Variants in RGS6 observed in about 807,000 individuals in gnomAD.
RGS6 encodes regulator of G protein signaling 6, also known as regulator of G-protein signaling 6.
Under a neutral mutation model 78.5 loss-of-function variants are expected in RGS6, and 30 were observed. The ratio of observed to expected loss-of-function variants is 0.38; its 90% confidence interval spans 0.29 to 0.52. RGS6 has a LOEUF of 0.52. RGS6 is among the 20% of genes least tolerant of loss of function. RGS6 has a pLI of 0.85. For synonymous variants in RGS6, 206 were observed against 206.0 expected, an observed-to-expected ratio of 1.00 and a Z score of 0.00; for missense variants, 495 against 609.7, an observed-to-expected ratio of 0.81 and a Z score of 1.98.
At chr14:72,537,348 G>A (rs576794020) in intron 16 of RGS6, among the ~76,000 whole-genome samples, 5 of 152,162 alleles carry the variant, frequency 3.3e-5, no homozygotes, top group African/African-American at 4.8e-5. Flanking sequence ...TCCTGTCTGC[G>A]TATCTGGTTG....
chr14:72,211,618 G>C (rs1191357049), intron 2 of RGS6, among the ~76,000 whole-genome samples: 1 of 152,136 alleles, frequency 6.6e-6, no homozygotes, highest in Non-Finnish European at 1.5e-5. Flanking sequence ...GGTAACAAGA[G>C]AGAAAATATA....
rs1046069627 is a variant in RGS6 at position 72,547,213 on chromosome 14, A to G, written c.1422+7119A>G. ...CAGCAGCACCGCAGCAGAGGGGGCC[A>G]GAGAAAGAGCATCCAATGGCAGGAG... On this transcript the variant is annotated intron_variant, in intron 17 of 17. Transcript: ENST00000553525. The G allele has an allele frequency of 2.4e-5, 37 of 1,535,528 alleles. No homozygotes were observed. In the African/African-American group the frequency reaches 5.1e-4, roughly 21 times the overall value.
At position 72,458,640 on chromosome 14, in the gene RGS6, A is replaced by G. The variant is rs557560148; in HGVS notation, c.342+263A>G. 9.2e-5 allele frequency among the ~76,000 whole-genome samples: 14 copies of G among 152,332 alleles called. No homozygotes were observed. In the South Asian group the frequency reaches 2.9e-3, roughly 32 times the overall value. On this transcript the variant is annotated intron_variant, in intron 5 of 17. Coordinates refer to ENST00000553525, the MANE Select transcript of RGS6 (RefSeq NM_001204424.2). Reference sequence around the variant, plus strand: ...CTACAACAAAATACCTAAACTGGGTATCTTATAAACAAACAAACAAAAAAT... The same window carrying G: ...CTACAACAAAATACCTAAACTGGGTGTCTTATAAACAAACAAACAAAAAAT...
chr14:72,607,665 C>T, the RGS6 span, among the ~76,000 whole-genome samples: 3 of 152,200 alleles, frequency 2.0e-5, no homozygotes, highest in African/African-American at 7.2e-5. Context: ...TCTGTGTAAT[C>T]GTCTGCTGCC....
At chr14:72,111,740 G>A (rs1191494049) in intron 2 of RGS6, among the ~76,000 whole-genome samples, 3 of 152,034 alleles carry the variant, frequency 2.0e-5, no homozygotes, top group Non-Finnish European at 4.4e-5. Flanking sequence ...AGCAGCATTC[G>A]CCAGGGTACG....
intron 9 of RGS6, among the ~76,000 whole-genome samples, chr14:72,473,210 G>A (rs887391325): frequency 6.6e-5 from 10 of 152,216 alleles, no homozygotes; most frequent in African/African-American, 2.2e-4. Flanking sequence ...TTGGGAGGCC[G>A]AGGTGGGTGG....
At chr14:72,320,970 AGT>A (rs1232898057) in intron 2 of RGS6, among the ~76,000 whole-genome samples, 2 of 150,316 alleles carry the variant, frequency 1.3e-5, no homozygotes, top group African/African-American at 2.4e-5. Flanking sequence ...TACAAAAATA[AGT>A]GTAGGAATGA....
intron 3 of RGS6, among the ~76,000 whole-genome samples, chr14:72,416,786 A>G (rs2093844715): frequency 1.3e-5 from 2 of 152,206 alleles, no homozygotes; most frequent in Admixed American, 1.3e-4. Context: ...AGCATTGACA[A>G]CAGACTGCCT....
At position 72,117,766 on chromosome 14, in the gene RGS6, T is replaced by C. The variant is rs185441229; in HGVS notation, c.84+152891T>C. On this transcript the variant is annotated intron_variant, in intron 2 of 17. Transcript: ENST00000553525. ...TCGGGGAGTGATGCAATCTGATTTATGCCTTAAAAGGACCACGCTGGCTAC... is the reference window on the plus strand; with the variant it reads ...TCGGGGAGTGATGCAATCTGATTTACGCCTTAAAAGGACCACGCTGGCTAC... Among the ~76,000 whole-genome samples, 9 of 152,300 alleles carry C rather than the reference T, an allele frequency of 5.9e-5. No individual in the cohort carries two copies. In the East Asian group the frequency reaches 1.2e-3, roughly 20 times the overall value.
intron 13 of RGS6, 101 bp downstream of exon 13, chr14:72,495,363 C>A: frequency 1.2e-6 from 1 of 818,222 alleles, no homozygotes; most frequent in Admixed American, 1.8e-5. Context: ...CATTTTTTAT[C>A]GCTAGAACAG....
chr14:72,509,307 G>A (rs2096850219), intron 13 of RGS6, among the ~76,000 whole-genome samples: 1 of 151,188 alleles, frequency 6.6e-6, no homozygotes, highest in Non-Finnish European at 1.5e-5. Context: ...AGAGGTTGCA[G>A]TGAGCCACAA....
intron 2 of RGS6, among the ~76,000 whole-genome samples, chr14:71,993,136 G>GA (rs2095038650): frequency 6.6e-6 from 1 of 152,162 alleles, no homozygotes; most frequent in South Asian, 2.1e-4. Context: ...TCCTGGAATT[G>GA]AAAAAATTCC....
At chr14:72,246,836 G>C (rs2054333361) in intron 2 of RGS6, among the ~76,000 whole-genome samples, 1 of 151,744 alleles carries the variant, frequency 6.6e-6, no homozygotes. Flanking sequence ...AACCTGAGAG[G>C]TGGAGCTTGC....
chr14:72,430,156 T>C (rs186512338), intron 3 of RGS6, among the ~76,000 whole-genome samples: 10 of 152,284 alleles, frequency 6.6e-5, no homozygotes, highest in Admixed American at 2.0e-4. Context: ...AAAGTACATA[T>C]AGCTCTCAAA....
intron 13 of RGS6, among the ~76,000 whole-genome samples, chr14:72,504,739 T>TG (rs975880042): frequency 2.1e-5 from 3 of 144,860 alleles, no homozygotes; most frequent in African/African-American, 7.9e-5. Context: ...CCTCTCCCCT[T>TG]CCCTCTCCTT....
chr14:72,030,629 C>G (rs1203926193), intron 2 of RGS6, among the ~76,000 whole-genome samples: 1 of 148,798 alleles, frequency 6.7e-6, no homozygotes, highest in Admixed American at 6.7e-5. Context: ...CCTGGAGAGG[C>G]CTTTCAGCCA....
chr14:72,344,692 A>G (rs534561682), intron 2 of RGS6, among the ~76,000 whole-genome samples: 1 of 152,338 alleles, frequency 6.6e-6, no homozygotes, highest in Non-Finnish European at 1.5e-5. Context: ...AACCACTCTA[A>G]TGGGTGATAC....
intron 2 of RGS6, among the ~76,000 whole-genome samples, chr14:72,055,052 T>G (rs1354584094): frequency 6.6e-6 from 1 of 152,212 alleles, no homozygotes; most frequent in Non-Finnish European, 1.5e-5. Context: ...TCAGGGTGTT[T>G]CCTGTTTTTG....
chr14:72,521,859 C>T (rs34473506), intron 15 of RGS6, among the ~76,000 whole-genome samples: 19,980 of 152,212 alleles, frequency 0.13, 1,677 homozygotes, highest in Middle Eastern at 0.22. Flanking sequence ...CAACCACTAA[C>T]GATGTCTGGC....
Sources: gnomAD v4.1 joint callset for allele counts (sites outside exome capture counted in the v4.1 genomes callset) on GRCh38, gnomAD v4.1.1 for gene constraint, MANE v1.5 for transcripts, NCBI Gene and HGNC (gene_info 2026-07-23, HGNC 2026-07-21) for gene names.